The following MYO19 variants were observed in gnomAD, a reference collection of about 807,000 sequenced individuals.
The protein encoded by MYO19 is myosin XIX, also known as unconventional myosin-XIX.
Under a neutral mutation model 129.2 loss-of-function variants are expected in MYO19, and 132 were observed. The ratio of observed to expected loss-of-function variants is 1.02; its 90% CI spans 0.89 to 1.18. The LOEUF (loss-of-function observed/expected upper bound fraction) is 1.18, where lower values mean the gene tolerates loss of function less well. Ranked by LOEUF, MYO19 falls within the 50% of genes most tolerant of loss-of-function variation. The pLI, the probability that MYO19 is intolerant of heterozygous loss-of-function variation, is 0.00. For synonymous variants in MYO19, 531 were observed against 477.2 expected, an observed-to-expected ratio of 1.11 and a Z score of -1.47; for missense variants, 1,210 against 1,216.7, an observed-to-expected ratio of 0.99 and a Z score of 0.08.
intron 21 of MYO19, 139 bp from the exon 22 acceptor site, chr17:36,501,374 C>G (rs1046002096): frequency 3.3e-6 from 3 of 922,284 alleles, no homozygotes; most frequent in Non-Finnish European, 4.7e-6. Flanking sequence ...TCTCCTTGTT[C>G]TTCTTTTGGA....
chr17:36,512,375 G>A (rs2072409257), intron 11 of MYO19, among the ~76,000 whole-genome samples: 1 of 132,900 alleles, frequency 7.5e-6, no homozygotes, highest in Non-Finnish European at 1.6e-5. Flanking sequence ...GGCAACTAGA[G>A]TAAAACTCCA....
At chr17:36,536,039 C>G (rs1209813486), upstream of MYO19, among the ~76,000 whole-genome samples, 1 of 152,178 alleles carries the variant, frequency 6.6e-6, no homozygotes, top group Non-Finnish European at 1.5e-5. Context: ...CATTTAGAAA[C>G]TCTAGGTTCA....
intron 12 of MYO19, 148 bp downstream of exon 12, chr17:36,511,217 A>G (rs1168796861): frequency 2.5e-6 from 2 of 803,818 alleles, no homozygotes; most frequent in African/African-American, 3.4e-5. Context: ...CAGGGTGAGG[A>G]GTAAATGATC....
rs183392690 is a variant in MYO19 at position 36,515,862 on chromosome 17, A to G, written c.543T>C (p.Ala181=). ...TGCAAAGGAGCCCAAGCTCACCAAA[A>G]GCTTCCATGACAGGGTTGGAGTTCA... The part of the protein sequence containing the change: ...RILNSNPVME[A]FGNACTLRNN... Residue 181 remains alanine, a synonymous_variant, in exon 7 of 26, where the codon GCT becomes GCC. Transcript: ENST00000614623. The G allele has an allele frequency of 3.1e-6, 5 of 1,611,472 alleles. No homozygotes were observed. In the East Asian group the frequency reaches 8.9e-5, roughly 29 times the overall value.
Position 36,498,781 on chromosome 17 carries a change from TAA to T in MYO19, c.2464-224_2464-223del, listed in dbSNP as rs1299111572. ...TTACATATGCTACTTGAAAACAAGA[TAA>T]GAGTCCATCAAGATATAACTGATAT... On this transcript the variant is annotated intron_variant, in intron 24 of 25. Transcript: ENST00000614623. 6.7e-6 allele frequency: 4 copies of T among 601,190 alleles called. No individual in the cohort carries two copies. In the East Asian group the frequency reaches 1.1e-4, roughly 17 times the overall value. The allele number at this position is 601,190 out of a possible 1,614,324, so 37.2% of individuals were successfully genotyped here. A position where few individuals can be genotyped will look rare whatever the true frequency, so the allele number is the denominator to read the frequency against.
At chr17:36,536,702 AC>A (rs1450710678), upstream of MYO19, among the ~76,000 whole-genome samples, 1 of 151,592 alleles carries the variant, frequency 6.6e-6, no homozygotes, top group Non-Finnish European at 1.5e-5. Flanking sequence ...TTTAGTAGAG[AC>A]GGGCTTTCAC....
upstream of MYO19, chr17:36,535,218 G>C (rs112946717): frequency 6.6e-6 from 1 of 152,070 alleles, no homozygotes; most frequent in Non-Finnish European, 1.5e-5. Context: ...GAGTGCGGCG[G>C]AGTGTTGTGC....
rs2072031868 is a variant in MYO19, at chr17:36,507,885, T to C, written c.1271A>G (p.Asn424Ser). The C allele has an allele frequency of 6.2e-7, 1 of 1,612,550 alleles. No individual in the cohort carries two copies. The highest frequency in any genetic ancestry group is 8.5e-7 in the Non-Finnish European group (1 of 1,179,022). Residue 424 changes from asparagine to serine, a missense_variant, in exon 15 of 26, where the codon AAC becomes AGC. By Grantham distance (46) the Asn-to-Ser change is conservative. Coordinates refer to ENST00000614623, the MANE Select transcript of MYO19 (RefSeq NM_001163735.2). ...DVYGFESFPD[N>S]SLEQLCINYA... ...GTTGATGCACAACTGTTCCAGACTG[T>C]TGTCAGGAAATGATTCAAATCCATA...
intron 23 of MYO19, chr17:36,499,654 C>CTT (rs1260911885): frequency 6.8e-5 from 5 of 73,092 alleles, no homozygotes; most frequent in African/African-American, 3.0e-4. Context: ...TATTCTTTTT[C>CTT]TTTTTGTTTC....
chr17:36,508,874 G>T, intron 14 of MYO19, 188 bp downstream of exon 14: 1 of 618,124 alleles, frequency 1.6e-6, no homozygotes. Flanking sequence ...TCAGATGTGG[G>T]TGCAGGAGAG....
intron 8 of MYO19, 117 bp downstream of exon 8, chr17:36,514,996 G>A (rs759040758): frequency 9.7e-6 from 8 of 820,770 alleles, no homozygotes; most frequent in Non-Finnish European, 1.3e-5. Context: ...TAAAGGGCAT[G>A]CACCAGGAGG....
chr17:36,515,049 C>A, intron 8 of MYO19, 64 bp downstream of exon 8: 1 of 1,494,476 alleles, frequency 6.7e-7, no homozygotes, highest in African/African-American at 1.4e-5. Context: ...CCAGATACTG[C>A]CCCAGCCACT....
chr17:36,511,999 C>T (rs1380352725), intron 11 of MYO19, among the ~76,000 whole-genome samples: 2 of 152,128 alleles, frequency 1.3e-5, no homozygotes, highest in South Asian at 2.1e-4. Context: ...CACCGACAAG[C>T]CCCCTGGGGC....
In MYO19 at chr17:36,542,698, C is replaced by CA. The variant is rs71159613; in HGVS notation, n.310+427dup. On this transcript the variant is annotated intron_variant and non_coding_transcript_variant, in intron 1 of 2. Transcript: ENST00000610496. ...TGGGCGACAGAGTGAGACTCCGTCT[C>CA]AAAAAAAAAAAAAAGGTTTAAAGTG... is the stretch of plus-strand genomic sequence containing the variant. 5.6e-3 allele frequency among the ~76,000 whole-genome samples: 716 copies of CA among 127,632 alleles called. 2 individuals carry two copies. The highest frequency in any genetic ancestry group is 0.018 in the African/African-American group (543 of 30,698). The allele number at this position is 127,632 out of a possible 152,430, so 83.7% of individuals were successfully genotyped here. A position where few individuals can be genotyped will look rare whatever the true frequency, so the allele number is the denominator to read the frequency against.
At position 36,507,146 on chromosome 17, in the gene MYO19, G is replaced by A. The variant is rs1468243045; in HGVS notation, c.1468-7C>T. On this transcript the variant is annotated splice_polypyrimidine_tract_variant and splice_region_variant and intron_variant, in intron 16 of 25. Transcript: ENST00000614623. ...GTCGATTGAGGCGGCATTCCTGTGG[G>A]ATGGGAACAGGGGGTCAGCCACCAA... 6.3e-7 allele frequency: 1 copy of A among 1,597,304 alleles called. No homozygotes were observed. Among genetic ancestry groups the A allele is most frequent in the Admixed American group, 1.7e-5 (1 of 59,362 alleles).
chr17:36,511,493 G>T (rs759727167), intron 11 of MYO19, 38 bp from the exon 12 acceptor site: 8 of 1,536,442 alleles, frequency 5.2e-6, no homozygotes, highest in East Asian at 4.9e-5. Flanking sequence ...GTAGGAGAGG[G>T]CGTGACGTGG....
At chr17:36,508,933 T>C in intron 14 of MYO19, 129 bp downstream of exon 14, 2 of 748,308 alleles carry the variant, frequency 2.7e-6, no homozygotes, top group Non-Finnish European at 4.6e-6. Flanking sequence ...GGCAGGCAGA[T>C]GCAAGAGGAG....
Position 36,532,600 on chromosome 17 carries a change from C to G in MYO19, c.-62G>C. 1 of 1,545,788 alleles carries G rather than the reference C, an allele frequency of 6.5e-7. No individual in the cohort carries two copies. The highest frequency in any genetic ancestry group is 8.8e-7 in the Non-Finnish European group (1 of 1,141,804). On this transcript the variant is annotated 5_prime_UTR_variant, in exon 3 of 26. Coordinates refer to ENST00000614623, the MANE Select transcript of MYO19 (RefSeq NM_001163735.2). ...AGGAGGTACAAGGAGTACTATCCAC[C>G]TAGTCATGGGACCATGGGCTGGGGT...
intron 11 of MYO19, chr17:36,513,147 C>A: frequency 7.2e-7 from 1 of 1,398,488 alleles, no homozygotes; most frequent in Non-Finnish European, 9.3e-7. Flanking sequence ...CTAGTTCTCT[C>A]TTCTGATCAT....
Sources: gnomAD v4.1 joint callset for allele counts (sites outside exome capture counted in the v4.1 genomes callset) on GRCh38, gnomAD v4.1.1 for gene constraint, MANE v1.5 for transcripts, NCBI Gene and HGNC (gene_info 2026-07-23, HGNC 2026-07-21) for gene names.